PDGFRL: variants seen among roughly 807,000 people sequenced by gnomAD.
PDGFRL encodes platelet-derived growth factor receptor-like protein.
PDGFRL carries 46 observed loss-of-function variants against 37.2 expected under a neutral mutation model. That is an observed-to-expected ratio of 1.24 (90% CI 0.98 to 1.58). The LOEUF (loss-of-function observed/expected upper bound fraction) is 1.58. PDGFRL is among the 40% of genes most tolerant of loss of function. PDGFRL has a pLI of 0.00. For missense variants in PDGFRL, 692 were observed against 467.6 expected (o/e 1.48, Z -4.43); for synonymous variants, 251 against 184.3 (o/e 1.36, Z -2.93).
intron 2 of PDGFRL, among the ~76,000 whole-genome samples, chr8:17,613,184 T>C (rs3862082): frequency 0.44 from 67,041 of 152,074 alleles, 16,718 homozygotes; most frequent in East Asian, 0.61. Context: ...GGTGGAATTG[T>C]TGGGCGTATT....
At position 17,640,777 on chromosome 8, in the gene PDGFRL, A is replaced by G. The variant is rs973027495; in HGVS notation, c.940-1836A>G. ...TCTGCCAGGAGGTGGCACTTTAAAG[A>G]CAGCATTAGCTGCAGTAGTATAGGG... is the stretch of plus-strand genomic sequence containing the variant. On this transcript the variant is annotated intron_variant, in intron 5 of 5. Transcript: ENST00000251630. Among the ~76,000 whole-genome samples, 7 of 152,118 alleles carry G rather than the reference A, an allele frequency of 4.6e-5. 1 individual carries two copies. Among genetic ancestry groups the G allele is most frequent in the Admixed American group, 4.6e-4 (7 of 15,272 alleles).
intron 1 of PDGFRL, among the ~76,000 whole-genome samples, chr8:17,578,696 C>G (rs1803641215): frequency 6.6e-6 from 1 of 152,166 alleles, no homozygotes; most frequent in South Asian, 2.1e-4. Flanking sequence ...CTTAGAGGCT[C>G]AGAAATTGAC....
At chr8:17,612,532 G>A (rs1020749577) in intron 2 of PDGFRL, among the ~76,000 whole-genome samples, 24 of 151,978 alleles carry the variant, frequency 1.6e-4, no homozygotes, top group Admixed American at 2.6e-4. Flanking sequence ...CACCATACCC[G>A]GGTAATTTTT....
intron 2 of PDGFRL, among the ~76,000 whole-genome samples, chr8:17,607,428 C>A (rs1267049475): frequency 1.3e-5 from 2 of 152,292 alleles, no homozygotes; most frequent in East Asian, 3.9e-4. Flanking sequence ...AAAAAAGTTT[C>A]TTTCAACAAA....
chr8:17,588,504 C>A (rs1046706387), intron 1 of PDGFRL, among the ~76,000 whole-genome samples: 1 of 98,854 alleles, frequency 1.0e-5, no homozygotes, highest in African/African-American at 2.7e-5. Flanking sequence ...TAGCAAGGCC[C>A]CATCTTTAAA....
intron 2 of PDGFRL, among the ~76,000 whole-genome samples, chr8:17,599,608 C>G (rs945901609): frequency 6.6e-6 from 1 of 152,186 alleles, no homozygotes; most frequent in Non-Finnish European, 1.5e-5. Context: ...CCGTACAGCT[C>G]GCCACGTGGC....
intron 1 of PDGFRL, among the ~76,000 whole-genome samples, chr8:17,586,605 C>G (rs1044739074): frequency 7.9e-5 from 12 of 152,116 alleles, no homozygotes; most frequent in African/African-American, 2.4e-4. Flanking sequence ...TGCTTTGTTT[C>G]CACCACAAGT....
intron 2 of PDGFRL, among the ~76,000 whole-genome samples, chr8:17,615,821 A>G (rs1804512092): frequency 6.6e-6 from 1 of 152,192 alleles, no homozygotes; most frequent in Non-Finnish European, 1.5e-5. Flanking sequence ...AGGTGGGAGG[A>G]TCCCTTAAGC....
At chr8:17,602,360 G>A (rs985891029) in intron 2 of PDGFRL, among the ~76,000 whole-genome samples, 61 of 152,314 alleles carry the variant, frequency 4.0e-4, no homozygotes, top group Admixed American at 5.9e-4. Flanking sequence ...GGGAGCCCTA[G>A]TTCCTGAGGC....
At chr8:17,576,593 C>A (rs373199076), upstream of PDGFRL, 1 of 314,280 alleles carries the variant, frequency 3.2e-6, no homozygotes. Context: ...TCCCTGTTCT[C>A]CTGCCTCACC....
intron 2 of PDGFRL, among the ~76,000 whole-genome samples, chr8:17,595,071 C>T (rs564403864): frequency 5.3e-5 from 8 of 152,124 alleles, no homozygotes; most frequent in East Asian, 1.9e-4. Flanking sequence ...ATACACAAGC[C>T]GGGTCAGGAG....
intron 5 of PDGFRL, among the ~76,000 whole-genome samples, chr8:17,634,449 C>T (rs774363305): frequency 1.3e-5 from 2 of 151,228 alleles, no homozygotes; most frequent in Non-Finnish European, 2.9e-5. Context: ...TTTCATTAGT[C>T]AGTTTGCTCA....
rs367821279 is a variant in PDGFRL, at chr8:17,642,737, A to C, written c.1064A>C (p.Tyr355Ser). 169 of 1,608,386 alleles carry C rather than the reference A, an allele frequency of 1.1e-4. No homozygotes were observed. The highest frequency in any genetic ancestry group is 1.4e-4 in the Non-Finnish European group (164 of 1,174,808). ...TTTGAGACGATTGATGCAGGATATT[A>C]CATTTGCACTGCTCAGAATCTTCAA... Reference protein sequence around the residue: ...EDFETIDAGYYICTAQNLQGQ... With the variant: ...EDFETIDAGYSICTAQNLQGQ... Residue 355 changes from tyrosine to serine, a missense_variant, in exon 6 of 6, where the codon TAC (tyrosine) becomes TCC (serine). Coordinates refer to ENST00000251630, the MANE Select transcript of PDGFRL (RefSeq NM_001372073.1).
chr8:17,606,886 G>GTTTTTT (rs371085758), intron 2 of PDGFRL, among the ~76,000 whole-genome samples: 5 of 138,270 alleles, frequency 3.6e-5, no homozygotes, highest in African/African-American at 1.1e-4. Flanking sequence ...TTCGTTTTTT[G>GTTTTTT]TTTTTTTGTT....
intron 1 of PDGFRL, among the ~76,000 whole-genome samples, chr8:17,587,990 T>G (rs984977458): frequency 1.3e-5 from 2 of 151,986 alleles, no homozygotes; most frequent in Non-Finnish European, 2.9e-5. Flanking sequence ...GGGGCTTAGC[T>G]GAGATTTTTA....
intron 2 of PDGFRL, among the ~76,000 whole-genome samples, chr8:17,599,998 T>C (rs899318790): frequency 6.6e-6 from 1 of 152,152 alleles, no homozygotes; most frequent in Non-Finnish European, 1.5e-5. Flanking sequence ...TTCATCAATA[T>C]TCACCAAATT....
In PDGFRL at chr8:17,628,556, C is replaced by G; in HGVS notation, c.575C>G (p.Ala192Gly). The change falls in exon 4 of 6, where the codon GCT (alanine) becomes GGT (glycine). Residue 192 changes from alanine (A) to glycine (G), a missense_variant. Transcript: ENST00000251630. ...GTCTACTTGAACCCGGACAGACAGG[C>G]TGTGGTTCCTTGTCGGGTGACCGTG... is the stretch of plus-strand genomic sequence containing the variant. The part of the protein sequence containing the change: ...DVVYLNPDRQ[A>G]VVPCRVTVLS... 1.2e-6 allele frequency: 2 copies of G among 1,613,826 alleles called. No homozygotes were observed. Among genetic ancestry groups the G allele is most frequent in the African/African-American group, 1.3e-5 (1 of 75,056 alleles).
chr8:17,589,178 G>A (rs1803878004), intron 1 of PDGFRL, among the ~76,000 whole-genome samples: 1 of 152,068 alleles, frequency 6.6e-6, no homozygotes, highest in Non-Finnish European at 1.5e-5. Context: ...AGGACTTCGA[G>A]ACCAGCCTGA....
chr8:17,632,730 A>T (rs1161387245), intron 4 of PDGFRL, among the ~76,000 whole-genome samples: 2 of 151,458 alleles, frequency 1.3e-5, no homozygotes, highest in African/African-American at 4.9e-5. Flanking sequence ...ACATGGACTC[A>T]CCTCTGTCCT....
Sources: allele counts gnomAD v4.1 joint callset (sites outside exome capture counted in the v4.1 genomes callset), GRCh38; gene constraint gnomAD v4.1.1; transcripts MANE v1.5; gene names NCBI Gene and HGNC (gene_info 2026-07-23, HGNC 2026-07-21).